BRCC3: variants seen among roughly 807,000 people sequenced by gnomAD.
BRCC3 encodes BRCA1/BRCA2-containing complex subunit 3.
BRCC3 carries 15 observed loss-of-function variants against 28.0 expected under a neutral mutation model. That is an observed-to-expected ratio of 0.54 (90% CI 0.36 to 0.82). The LOEUF (loss-of-function observed/expected upper bound fraction) is 0.82, where lower values mean the gene tolerates loss of function less well. Ranked by LOEUF, BRCC3 falls within the 40% of genes least tolerant of loss-of-function variation. The probability of loss-of-function intolerance (pLI) is 0.01; values close to 1 mark genes in which losing one functional copy is unlikely to be tolerated. For missense variants in BRCC3, 109 were observed against 225.9 expected, an observed-to-expected ratio of 0.48 and a Z score of 3.32; for synonymous variants, 66 against 80.3, an observed-to-expected ratio of 0.82 and a Z score of 0.95.
intron 5 of BRCC3, among the ~76,000 whole-genome samples, chrX:155,088,977 C>G (rs1298399979): frequency 8.9e-6 from 1 of 112,140 alleles, no homozygotes; most frequent in East Asian, 2.8e-4. Flanking sequence ...ATTTCTCTTT[C>G]TATTACCACA....
Position 155,073,371 on chromosome X carries a change from C to A in BRCC3, c.141-6C>A. On this transcript the variant is annotated splice_region_variant and splice_polypyrimidine_tract_variant and intron_variant, in intron 2 of 10. Coordinates refer to ENST00000330045, the MANE Select transcript of BRCC3 (RefSeq NM_001018055.3). ...CCTTTTTTTTTTTCTAATTTATTCC[C>A]AGTAGGAGTGACTCCAAATTTGCAT... is the stretch of plus-strand genomic sequence containing the variant. 8.6e-7 allele frequency: 1 copy of A among 1,164,717 alleles called. No homozygotes were observed. The highest frequency in any genetic ancestry group is 2.6e-5 in the Admixed American group (1 of 38,669).
intron 7 of BRCC3, among the ~76,000 whole-genome samples, chrX:155,105,429 G>T (rs1433116638): frequency 1.8e-5 from 2 of 111,712 alleles, no homozygotes; most frequent in Non-Finnish European, 3.8e-5. Context: ...GTTGCAGTGA[G>T]CCGAGATTGT....
At chrX:155,099,197 T>C in intron 7 of BRCC3, 1 of 775,216 alleles carries the variant, frequency 1.3e-6, no homozygotes, top group South Asian at 6.9e-5. Flanking sequence ...TTTTTTTTTT[T>C]TTTTGTGGTA....
At chrX:155,079,163 G>A (rs138358465) in intron 5 of BRCC3, among the ~76,000 whole-genome samples, 253 of 111,365 alleles carry the variant, frequency 2.3e-3, no homozygotes, top group Non-Finnish European at 3.9e-3. Flanking sequence ...CCGTATCTGC[G>A]TCTCCAGAAA....
intron 7 of BRCC3, among the ~76,000 whole-genome samples, chrX:155,101,291 C>T (rs1197560946): frequency 9.0e-6 from 1 of 111,467 alleles, no homozygotes; most frequent in Admixed American, 9.5e-5. Context: ...AAATACTGCA[C>T]CCTTTTATAT....
intron 5 of BRCC3, among the ~76,000 whole-genome samples, chrX:155,085,640 G>A (rs1350522475): frequency 8.9e-6 from 1 of 112,490 alleles, no homozygotes; most frequent in Non-Finnish European, 1.9e-5. Context: ...TGAAGAGTTT[G>A]GTTACACCAG....
At chrX:155,087,995 T>C (rs906275351) in intron 5 of BRCC3, among the ~76,000 whole-genome samples, 3 of 112,505 alleles carry the variant, frequency 2.7e-5, no homozygotes, top group Non-Finnish European at 5.6e-5. Context: ...GATAAGGAAA[T>C]AGGCTTAACA....
chrX:155,110,408 T>C (rs1473016890), intron 7 of BRCC3, among the ~76,000 whole-genome samples: 1 of 111,703 alleles, frequency 9.0e-6, no homozygotes, highest in Non-Finnish European at 1.9e-5. Flanking sequence ...TGATTTTCTG[T>C]ATCGTTTTAG....
intron 3 of BRCC3, 39 bp from the exon 4 acceptor site, chrX:155,077,131 G>T: frequency 8.9e-7 from 1 of 1,118,667 alleles, no homozygotes; most frequent in South Asian, 2.0e-5. Context: ...TGTTATTGGA[G>T]AGAGCTGTAA....
At chrX:155,075,976 G>C (rs895684799) in intron 3 of BRCC3, among the ~76,000 whole-genome samples, 11 of 111,681 alleles carry the variant, frequency 9.8e-5, no homozygotes, top group African/African-American at 3.3e-4. Context: ...AATAATCAAG[G>C]AATGGATACA....
At chrX:155,097,939 T>A (rs966890608) in intron 7 of BRCC3, among the ~76,000 whole-genome samples, 42 of 111,228 alleles carry the variant, frequency 3.8e-4, no homozygotes, top group Non-Finnish European at 7.6e-5. Context: ...GAGCTTGCAG[T>A]GAGCCGAGAT....
chrX:155,118,238 TA>T (rs1363934141), intron 9 of BRCC3, among the ~76,000 whole-genome samples: 1 of 111,624 alleles, frequency 9.0e-6, no homozygotes, highest in Non-Finnish European at 1.9e-5. Context: ...AACTCAACAA[TA>T]AAAAGAACAA....
intron 7 of BRCC3, among the ~76,000 whole-genome samples, chrX:155,097,083 C>T (rs1173329939): frequency 1.8e-5 from 2 of 111,697 alleles, no homozygotes; most frequent in Non-Finnish European, 3.8e-5. Flanking sequence ...CACTGCTTGA[C>T]ATTGGTCTTG....
chrX:155,105,221 G>A (rs782366922), intron 7 of BRCC3, among the ~76,000 whole-genome samples: 2 of 112,129 alleles, frequency 1.8e-5, no homozygotes, highest in East Asian at 2.8e-4. Flanking sequence ...AGTGGCTCAT[G>A]TCTGTAATCC....
At chrX:155,117,940 G>T (rs1305772677) in intron 9 of BRCC3, among the ~76,000 whole-genome samples, 21 of 111,522 alleles carry the variant, frequency 1.9e-4, no homozygotes, top group Admixed American at 4.8e-4. Context: ...GGGGAAAATA[G>T]ATTCCTACCT....
chrX:155,076,065 T>C (rs2074039356), intron 3 of BRCC3, among the ~76,000 whole-genome samples: 1 of 112,540 alleles, frequency 8.9e-6, no homozygotes, highest in Admixed American at 9.4e-5. Context: ...TTTTCTAATA[T>C]AAGTGAGTTC....
intron 9 of BRCC3, among the ~76,000 whole-genome samples, chrX:155,119,203 G>T (rs2074375297): frequency 8.9e-6 from 1 of 112,101 alleles, no homozygotes; most frequent in Admixed American, 9.4e-5. Context: ...AGACAATTAG[G>T]TGAGGATGTG....
rs782690198 is a variant in BRCC3, at chrX:155,071,704, C to G, written c.123+54C>G. On this transcript the variant is annotated intron_variant, in intron 1 of 10. Coordinates refer to ENST00000330045, the MANE Select transcript of BRCC3 (RefSeq NM_001018055.3). ...CCCTGCTGAGCAGTCCCAGTGTGTC[C>G]CCGGGGTGGGTGCCGGCAGCTCCCA... 1.1e-4 allele frequency: 128 copies of G among 1,164,417 alleles called. No homozygotes were observed. In the African/African-American group the frequency reaches 2.2e-3, roughly 20 times the overall value.
At chrX:155,076,204 G>C (rs2074041001) in intron 3 of BRCC3, among the ~76,000 whole-genome samples, 1 of 110,780 alleles carries the variant, frequency 9.0e-6, no homozygotes, top group Admixed American at 9.6e-5. Context: ...AGGAGTTTGA[G>C]ACCAGCCTAG....
Sources: gnomAD v4.1 joint callset for allele counts (sites outside exome capture counted in the v4.1 genomes callset) on GRCh38, gnomAD v4.1.1 for gene constraint, MANE v1.5 for transcripts, NCBI Gene and HGNC (gene_info 2026-07-23, HGNC 2026-07-21) for gene names.